Variants in ARMH1 observed in about 807,000 individuals in gnomAD.
The protein encoded by ARMH1 is armadillo-like helical domain containing protein 1.
Under a neutral mutation model 50.2 loss-of-function variants are expected in ARMH1, and 34 were observed. That is an observed-to-expected ratio of 0.68 (90% CI 0.51 to 0.90). The LOEUF (loss-of-function observed/expected upper bound fraction) is 0.90, where lower values mean the gene tolerates loss of function less well. Ranked by LOEUF, ARMH1 falls within the 40% of genes least tolerant of loss-of-function variation. ARMH1 has a pLI of 0.00. For synonymous variants in ARMH1, 221 were observed against 224.2 expected (o/e 0.99, Z 0.13); for missense variants, 538 against 553.9 (o/e 0.97, Z 0.29).
Position 44,681,082 on chromosome 1 carries a change from C to T in ARMH1, c.-23+6209C>T, listed in dbSNP as rs1290610044. On this transcript the variant is annotated intron_variant, in intron 1 of 11. Transcript: ENST00000535358. This position sits in a 1 kb window ranked among gnomAD's most constrained non-coding sequence, Gnocchi z 4.3. ...TGATCTCGGCTCACTGCAAGCTCCA[C>T]CTCCCGGGTTCACGCCATTCTCCTG... is the stretch of plus-strand genomic sequence containing the variant. 6.6e-6 allele frequency among the ~76,000 whole-genome samples: 1 copy of T among 151,432 alleles called. No homozygotes were observed. The highest frequency in any genetic ancestry group is 1.5e-5 in the Non-Finnish European group (1 of 67,866).
chr1:44,710,604 G>A (rs1239229643), intron 6 of ARMH1, among the ~76,000 whole-genome samples: 54 of 76,150 alleles, frequency 7.1e-4, no homozygotes, highest in African/African-American at 3.2e-3. Context: ...GCAAGACTCC[G>A]TCTCAAAAAA....
At chr1:44,707,310 C>T (rs1467071454) in intron 6 of ARMH1, among the ~76,000 whole-genome samples, 1 of 152,130 alleles carries the variant, frequency 6.6e-6, no homozygotes, top group Non-Finnish European at 1.5e-5. Context: ...TGATTACTCA[C>T]CTCTATGCCT....
Position 44,725,310 on chromosome 1 carries a change from C to A in ARMH1, c.1230C>A (p.Ser410Arg). Residue 410 changes from serine (S) to arginine (R), a missense_variant, in exon 12 of 12, where the codon AGC becomes AGA. Transcript: ENST00000535358. ...CTGCAGCCCTGTGCCTCCATGGCAGCTCCTACAGCATGAACACTCTCTATG... is the reference window on the plus strand; with the variant it reads ...CTGCAGCCCTGTGCCTCCATGGCAGATCCTACAGCATGAACACTCTCTATG... ...NVTKALCLHGSSYSMNTLYGS... is the reference protein window; with the variant it reads ...NVTKALCLHGRSYSMNTLYGS... 6.4e-7 allele frequency: 1 copy of A among 1,551,862 alleles called. No homozygotes were observed. The highest frequency in any genetic ancestry group is 8.7e-7 in the Non-Finnish European group (1 of 1,147,020).
chr1:44,719,883 G>C (rs151051474), intron 6 of ARMH1, among the ~76,000 whole-genome samples: 2 of 152,152 alleles, frequency 1.3e-5, no homozygotes, highest in East Asian at 1.9e-4. Flanking sequence ...TAAGGTCCTG[G>C]CTTCAAAGCA....
chr1:44,707,730 AC>A (rs1646408215), intron 6 of ARMH1, among the ~76,000 whole-genome samples: 1 of 152,142 alleles, frequency 6.6e-6, no homozygotes, highest in South Asian at 2.1e-4. Context: ...CCAAAACAAA[AC>A]CTCTTATGCT....
chr1:44,675,380 G>T (rs773370538), intron 1 of ARMH1, among the ~76,000 whole-genome samples: 5 of 152,184 alleles, frequency 3.3e-5, no homozygotes, highest in Non-Finnish European at 5.9e-5. Context: ...CTCTTTGCAT[G>T]CCAGGCGCGG....
rs1647859029 is a variant in ARMH1 at position 44,724,174 on chromosome 1, C to G, written c.777C>G (p.Leu259=). The G allele has an allele frequency of 3.2e-6, 5 of 1,551,676 alleles. No individual in the cohort carries two copies. The highest frequency in any genetic ancestry group is 4.4e-6 in the Non-Finnish European group (5 of 1,146,958). Reference sequence around the variant, plus strand: ...GTTACGATGTGCGCCAGGCGCTGCTCAAGGGCCTCGTGGCGCTGCTGATAC... The same window carrying G: ...GTTACGATGTGCGCCAGGCGCTGCTGAAGGGCCTCGTGGCGCTGCTGATAC... The part of the protein sequence containing the change: ...LVGYDVRQAL[L]KGLVALLIPS... Residue 259 remains leucine, a synonymous_variant, in exon 7 of 12, where the codon CTC becomes CTG. Transcript: ENST00000535358. This position sits in a 1 kb window ranked among gnomAD's most constrained non-coding sequence, Gnocchi z 6.4.
At chr1:44,688,942 A>C (rs571258582) in intron 1 of ARMH1, among the ~76,000 whole-genome samples, 2 of 152,302 alleles carry the variant, frequency 1.3e-5, no homozygotes, top group Non-Finnish European at 2.9e-5. Context: ...GTTAAGGAGC[A>C]CTTTAACTTA....
chr1:44,712,639 A>C (rs979903400), intron 6 of ARMH1, among the ~76,000 whole-genome samples: 1 of 151,436 alleles, frequency 6.6e-6, no homozygotes, highest in Non-Finnish European at 1.5e-5. Context: ...CACAGGGTTA[A>C]GCAAATACAT....
At chr1:44,702,914 G>A (rs1162091525) in intron 5 of ARMH1, among the ~76,000 whole-genome samples, 2 of 152,084 alleles carry the variant, frequency 1.3e-5, no homozygotes, top group African/African-American at 2.4e-5. Flanking sequence ...TTAGGAGACT[G>A]TCTATGGCAG....
chr1:44,698,629 G>A (rs955654148), intron 4 of ARMH1, among the ~76,000 whole-genome samples: 20 of 151,368 alleles, frequency 1.3e-4, no homozygotes, highest in African/African-American at 4.9e-4. Flanking sequence ...TGACCAACAT[G>A]GAGAAACCCC....
chr1:44,677,553 G>C (rs1009369981), intron 1 of ARMH1, among the ~76,000 whole-genome samples: 10 of 152,196 alleles, frequency 6.6e-5, no homozygotes, highest in African/African-American at 2.4e-4. Context: ...TTGAATGAGG[G>C]AGTTGTGATC....
chr1:44,684,004 A>G (rs1281773882), intron 1 of ARMH1, among the ~76,000 whole-genome samples: 1 of 149,640 alleles, frequency 6.7e-6, no homozygotes, highest in Non-Finnish European at 1.5e-5. Flanking sequence ...AAAAACAACC[A>G]CAGAGAGAGA....
intron 1 of ARMH1, chr1:44,688,287 C>T (rs1383195774): frequency 6.6e-6 from 1 of 152,310 alleles, no homozygotes; most frequent in Non-Finnish European, 1.5e-5. Context: ...CTTCTGGAAG[C>T]ACGCATCCCA....
chr1:44,714,880 G>A (rs778212451), intron 6 of ARMH1, among the ~76,000 whole-genome samples: 25 of 151,840 alleles, frequency 1.6e-4, no homozygotes, highest in Non-Finnish European at 3.1e-4. Flanking sequence ...ACTGTCCCCG[G>A]CCTTTTTTCT....
Position 44,724,124 on chromosome 1 carries a change from A to G in ARMH1, c.727A>G (p.Ile243Val). Residue 243 changes from isoleucine (I) to valine (V), a missense_variant and splice_region_variant, in exon 7 of 12, where the codon ATC becomes GTC. Ile to Val is a conservative substitution (Grantham distance 29, BLOSUM62 3). Coordinates refer to ENST00000535358, the MANE Select transcript of ARMH1 (RefSeq NM_001145636.2). The surrounding 1 kb of genome is among the most constrained non-coding windows in gnomAD (Gnocchi z 6.4). ...TMHLEVQYEAIELIKDLVGYD... is the reference protein window; with the variant it reads ...TMHLEVQYEAVELIKDLVGYD... ...CCAGCACCTCTGCCCTTCCGCAGCC[A>G]TCGAGTTGATCAAAGACCTGGTCGG... The G allele has an allele frequency of 6.4e-7, 1 of 1,551,570 alleles. No homozygotes were observed. Among genetic ancestry groups the G allele is most frequent in the Non-Finnish European group, 8.7e-7 (1 of 1,146,890 alleles).
chr1:44,696,952 C>T (rs1407778644), intron 2 of ARMH1, 150 bp from the exon 3 acceptor site: 2 of 627,922 alleles, frequency 3.2e-6, no homozygotes, highest in Non-Finnish European at 5.7e-6. Context: ...ACTGCCACTT[C>T]CCCTTCCGCT....
intron 6 of ARMH1, among the ~76,000 whole-genome samples, chr1:44,704,519 T>TG (rs1386993661): frequency 6.7e-6 from 1 of 149,460 alleles, no homozygotes; most frequent in Admixed American, 6.6e-5. Flanking sequence ...TTTGCTGGGT[T>TG]TTTTTTTTTT....
At chr1:44,689,644 C>T (rs1046484279) in intron 1 of ARMH1, 32 bp from the exon 2 acceptor site, 187 of 1,482,618 alleles carry the variant, frequency 1.3e-4, no homozygotes, top group Admixed American at 2.4e-4. Flanking sequence ...CTAAACATTC[C>T]GGTAACCTGT....
Sources: allele counts gnomAD v4.1 joint callset (sites outside exome capture counted in the v4.1 genomes callset), GRCh38; gene constraint gnomAD v4.1.1; non-coding constraint Gnocchi (gnomAD v3.1); transcripts MANE v1.5; gene names NCBI Gene and HGNC (gene_info 2026-07-23, HGNC 2026-07-21).